THADA: variants seen among roughly 807,000 people sequenced by gnomAD.
THADA encodes tRNA (32-2'-O)-methyltransferase regulator THADA.
In THADA, 213 loss-of-function variants were observed where a neutral mutation model predicts 219.8. The observed-to-expected ratio is 0.97, with a 90% CI of 0.87 to 1.09. The LOEUF (loss-of-function observed/expected upper bound fraction) is 1.09, where lower values mean the gene tolerates loss of function less well. Among genes scored for constraint, THADA ranks in the 50% least tolerant of loss-of-function variants. The pLI, the probability that THADA is intolerant of heterozygous loss-of-function variation, is 0.00. For synonymous variants in THADA, 1,018 were observed against 828.9 expected, an observed-to-expected ratio of 1.23 and a Z score of -3.92; for missense variants, 2,956 against 2,311.3, an observed-to-expected ratio of 1.28 and a Z score of -5.72.
At position 43,488,203 on chromosome 2, in the gene THADA, T is replaced by C. The variant is rs545653870; in HGVS notation, c.3745-2878A>G. Among the ~76,000 whole-genome samples the C allele has an allele frequency of 2.1e-3, 319 of 152,326 alleles. 1 individual carries two copies. The highest frequency in any genetic ancestry group is 7.2e-3 in the African/African-American group (301 of 41,584). On this transcript the variant is annotated intron_variant, in intron 25 of 37. Transcript: ENST00000405975. ...TTTTTAAATTGAGGTATAATTCACA[T>C]ATAAAATTTATTATTTTAAAGGATG...
intron 28 of THADA, among the ~76,000 whole-genome samples, chr2:43,409,878 A>G (rs1395152158): frequency 6.6e-6 from 1 of 152,076 alleles, no homozygotes. Context: ...ATAGCCAGGC[A>G]TGGTGGCATG....
Position 43,572,842 on chromosome 2 carries a change from T to C in THADA, c.1880A>G (p.Lys627Arg). 2 of 1,613,892 alleles carry C rather than the reference T, an allele frequency of 1.2e-6. No homozygotes were observed. Among genetic ancestry groups the C allele is most frequent in the Non-Finnish European group, 1.7e-6 (2 of 1,179,824 alleles). The change falls in exon 12 of 38, where the codon AAG becomes AGG. Residue 627 changes from lysine to arginine, a missense_variant. Coordinates refer to ENST00000405975, the MANE Select transcript of THADA (RefSeq NM_022065.5). ...WENLVSDARI[K>R]QGLIHQHCQV... The stretch of plus-strand genomic sequence containing the variant: ...GCAATGCTGATGAATTAAGCCTTGC[T>C]TTATTCTTGCATCAGACACGAGGTT...
rs551561731 is a variant in THADA, at chr2:43,490,312, T to C, written c.3745-4987A>G. 3.3e-5 allele frequency among the ~76,000 whole-genome samples: 5 copies of C among 152,298 alleles called. No individual in the cohort carries two copies. In the East Asian group the frequency reaches 9.6e-4, roughly 29 times the overall value. On this transcript the variant is annotated intron_variant, in intron 25 of 37. Transcript: ENST00000405975. Reference sequence around the variant, plus strand: ...GAGATAGTTTTGCATCTTCCTTTACTGGATAACTTTTATTTTTTATTCTTC... The same window carrying C: ...GAGATAGTTTTGCATCTTCCTTTACCGGATAACTTTTATTTTTTATTCTTC...
intron 29 of THADA, among the ~76,000 whole-genome samples, chr2:43,392,458 G>T (rs1673504471): frequency 6.6e-6 from 1 of 152,102 alleles, no homozygotes; most frequent in South Asian, 2.1e-4. Flanking sequence ...TAGAGTGAAG[G>T]ATGGTTGGTT....
chr2:43,494,066 C>A (rs1687972957), intron 25 of THADA, among the ~76,000 whole-genome samples: 1 of 152,216 alleles, frequency 6.6e-6, no homozygotes, highest in Admixed American at 6.5e-5. Flanking sequence ...CACTTTCAGA[C>A]TCAGATGAGA....
chr2:43,407,202 T>G (rs1054627589), intron 28 of THADA, among the ~76,000 whole-genome samples: 8 of 152,146 alleles, frequency 5.3e-5, no homozygotes, highest in African/African-American at 9.7e-5. Flanking sequence ...GATTCCATAT[T>G]TACAGTGATT....
chr2:43,296,706 T>G (rs2104386745), intron 31 of THADA, among the ~76,000 whole-genome samples: 1 of 152,310 alleles, frequency 6.6e-6, no homozygotes, highest in Admixed American at 6.5e-5. Flanking sequence ...CACAGTACTA[T>G]CATCTCCAGG....
Position 43,566,147 on chromosome 2 carries a change from G to T in THADA, c.2311+551C>A, listed in dbSNP as rs769710086. ...AGGAAAAAATGAAACAAAAAAAAAA[G>T]ATTCAAAGAGGGAACTGAAATTTGA... On this transcript the variant is annotated intron_variant, in intron 15 of 37. Transcript: ENST00000405975. 859 of 301,172 alleles carry T rather than the reference G, an allele frequency of 2.9e-3. 3 individuals carry two copies. Among genetic ancestry groups the T allele is most frequent in the Middle Eastern group, 0.014 (16 of 1,146 alleles). 18.7% of individuals were successfully genotyped at this position (301,172 alleles called of 1,614,324 possible). A position where few individuals can be genotyped will look rare whatever the true frequency, so the allele number is the denominator to read the frequency against.
chr2:43,347,151 T>C (rs1480947762), intron 29 of THADA, among the ~76,000 whole-genome samples: 1 of 152,172 alleles, frequency 6.6e-6, no homozygotes, highest in African/African-American at 2.4e-5. Flanking sequence ...GAGCATGGAT[T>C]TTGAAGCCGG....
At chr2:43,243,907 C>T (rs1010368718) in intron 36 of THADA, among the ~76,000 whole-genome samples, 1 of 152,212 alleles carries the variant, frequency 6.6e-6, no homozygotes, top group Non-Finnish European at 1.5e-5. Flanking sequence ...TGTTACATGC[C>T]TAAAACCTAT....
At chr2:43,330,331 A>G (rs1157275402) in intron 30 of THADA, among the ~76,000 whole-genome samples, 6 of 152,144 alleles carry the variant, frequency 3.9e-5, no homozygotes, top group Non-Finnish European at 5.9e-5. Context: ...ATTGCTGAGG[A>G]AGCCTGATCA....
At chr2:43,442,850 A>G (rs949327342) in intron 26 of THADA, among the ~76,000 whole-genome samples, 1 of 152,098 alleles carries the variant, frequency 6.6e-6, no homozygotes, top group African/African-American at 2.4e-5. Flanking sequence ...TACCCTCTAG[A>G]TTGTGGCAAA....
intron 26 of THADA, among the ~76,000 whole-genome samples, chr2:43,433,656 T>TTGTG (rs960871213): frequency 6.6e-6 from 1 of 151,438 alleles, no homozygotes; most frequent in Non-Finnish European, 1.5e-5. Flanking sequence ...AAAACAGTAA[T>TTGTG]TGTGTGTGTG....
At chr2:43,442,297 G>A (rs779310465) in intron 26 of THADA, among the ~76,000 whole-genome samples, 7 of 152,046 alleles carry the variant, frequency 4.6e-5, no homozygotes, top group East Asian at 1.9e-4. Context: ...TTAGCTGGGC[G>A]TGGTGGTGCG....
chr2:43,239,818 GTTGGGTGGCCCTGCCA>G (rs1668433153), intron 36 of THADA, among the ~76,000 whole-genome samples: 1 of 152,182 alleles, frequency 6.6e-6, no homozygotes, highest in African/African-American at 2.4e-5. Context: ...TGGCCAAGGT[GTTGGGTGGCCCTGCCA>G]TCCAACCAAC....
intron 31 of THADA, among the ~76,000 whole-genome samples, chr2:43,305,137 G>C (rs926161700): frequency 6.6e-6 from 1 of 152,082 alleles, no homozygotes. Context: ...CACTCTTAAC[G>C]TCAATGTCCT....
At chr2:43,248,532 A>C (rs1368163039) in intron 36 of THADA, among the ~76,000 whole-genome samples, 1 of 152,184 alleles carries the variant, frequency 6.6e-6, no homozygotes, top group African/African-American at 2.4e-5. Context: ...ACGCTCGCTC[A>C]GTAAAGAAAA....
chr2:43,397,453 T>C (rs1292833315), intron 29 of THADA, among the ~76,000 whole-genome samples: 2 of 152,168 alleles, frequency 1.3e-5, no homozygotes, highest in East Asian at 3.8e-4. Context: ...AACAATAAAC[T>C]TGTACATTTA....
At chr2:43,504,235 A>G (rs563849568) in intron 24 of THADA, among the ~76,000 whole-genome samples, 111 of 152,150 alleles carry the variant, frequency 7.3e-4, no homozygotes, top group Non-Finnish European at 1.4e-3. Context: ...TTGAATGGTG[A>G]TTAACAACAT....
Sources: gnomAD v4.1 joint callset for allele counts (sites outside exome capture counted in the v4.1 genomes callset) on GRCh38, gnomAD v4.1.1 for gene constraint, MANE v1.5 for transcripts, NCBI Gene and HGNC (gene_info 2026-07-23, HGNC 2026-07-21) for gene names.